KCNE2: variants seen among roughly 807,000 people sequenced by gnomAD.
The protein encoded by KCNE2 is potassium voltage-gated channel subfamily E regulatory subunit 2.
KCNE2 carries 4 observed loss-of-function variants against 4.5 expected under a neutral mutation model. That is an observed-to-expected ratio of 0.89 (90% CI 0.44 to 2.03). The LOEUF is 2.03. Among genes scored for constraint, KCNE2 ranks in the 30% most tolerant of loss-of-function variants. The pLI is 0.03. For missense variants in KCNE2, 137 were observed against 151.4 expected (o/e 0.90, Z 0.50); for synonymous variants, 57 against 55.9 (o/e 1.02, Z -0.09).
At chr21:34,366,884 C>T (rs1044733474) in intron 1 of KCNE2, among the ~76,000 whole-genome samples, 11 of 134,474 alleles carry the variant, frequency 8.2e-5, no homozygotes, top group African/African-American at 3.2e-4. Flanking sequence ...GAGGCTGAGG[C>T]AGGAGAATGG....
In KCNE2 at chr21:34,366,484, T is replaced by C. The variant is rs370548699; in HGVS notation, c.-13+2333T>C. ...TTCACACCTTCATTCAACAGATTTTTAGTAAAGATTTGCTACGTACCCATC... is the reference window on the plus strand; with the variant it reads ...TTCACACCTTCATTCAACAGATTTTCAGTAAAGATTTGCTACGTACCCATC... On this transcript the variant is annotated intron_variant, in intron 1 of 1. Transcript: ENST00000290310. Among the ~76,000 whole-genome samples the C allele has an allele frequency of 4.6e-5, 7 of 152,110 alleles. 1 individual carries two copies. The highest frequency in any genetic ancestry group is 1.7e-4 in the African/African-American group (7 of 41,478).
rs553652270 is a variant in KCNE2, at chr21:34,365,850, T to C, written c.-13+1699T>C. On this transcript the variant is annotated intron_variant, in intron 1 of 1. Transcript: ENST00000290310. Reference sequence around the variant, plus strand: ...CTTCAACGAAGCTGCTTTCACACACTGTGATTTGTTTTTTTCCTGTGGTCA... The same window carrying C: ...CTTCAACGAAGCTGCTTTCACACACCGTGATTTGTTTTTTTCCTGTGGTCA... Among the ~76,000 whole-genome samples, 40 of 152,370 alleles carry C rather than the reference T, an allele frequency of 2.6e-4. 1 individual carries two copies. The highest frequency in any genetic ancestry group is 8.9e-4 in the African/African-American group (37 of 41,588).
At position 34,370,770 on chromosome 21, in the gene KCNE2, A is replaced by G; in HGVS notation, c.292A>G (p.Ser98Gly). ...IVEDWQEKYK[S>G]QILNLEESKA... ...AGAGGACTGGCAGGAAAAGTACAAGAGCCAAATCTTGAATCTAGAAGAATC... is the reference window on the plus strand; with the variant it reads ...AGAGGACTGGCAGGAAAAGTACAAGGGCCAAATCTTGAATCTAGAAGAATC... Residue 98 changes from serine (S) to glycine (G), a missense_variant, in exon 2 of 2, where the codon AGC becomes GGC. By Grantham distance (56) the Ser-to-Gly change is moderately conservative. Coordinates refer to ENST00000290310, the MANE Select transcript of KCNE2 (RefSeq NM_172201.2). The G allele has an allele frequency of 1.2e-6, 2 of 1,614,208 alleles. No individual in the cohort carries two copies. The highest frequency in any genetic ancestry group is 1.7e-6 in the Non-Finnish European group (2 of 1,180,032).
intron 1 of KCNE2, among the ~76,000 whole-genome samples, chr21:34,368,751 C>CA (rs1979454535): frequency 6.6e-6 from 1 of 152,128 alleles, no homozygotes; most frequent in Non-Finnish European, 1.5e-5. Flanking sequence ...ATTTAACTGA[C>CA]ATTTGTTGAG....
intron 1 of KCNE2, among the ~76,000 whole-genome samples, chr21:34,368,229 A>AAC (rs1979405998): frequency 1.2e-5 from 1 of 84,810 alleles, no homozygotes; most frequent in African/African-American, 6.0e-5. Context: ...ACACACACAC[A>AAC]ATATATATAT....
intron 1 of KCNE2, among the ~76,000 whole-genome samples, chr21:34,365,358 T>A (rs1009018885): frequency 6.6e-6 from 1 of 152,222 alleles, no homozygotes; most frequent in African/African-American, 2.4e-5. Flanking sequence ...GTAGTTGTCT[T>A]AGCATTACTA....
intron 1 of KCNE2, 125 bp from the exon 2 acceptor site, chr21:34,370,342 C>T: frequency 8.9e-7 from 1 of 1,129,850 alleles, no homozygotes; most frequent in African/African-American, 1.6e-5. Flanking sequence ...ATTAAATCAC[C>T]AGCCAGGTTA....
At chr21:34,368,087 A>C (rs1979384696) in intron 1 of KCNE2, among the ~76,000 whole-genome samples, 1 of 151,436 alleles carries the variant, frequency 6.6e-6, no homozygotes, top group Admixed American at 6.6e-5. Context: ...TAATTCATGC[A>C]TCAAATGTCC....
At chr21:34,368,242 A>ATCTATATC (rs1979413124) in intron 1 of KCNE2, among the ~76,000 whole-genome samples, 4 of 113,302 alleles carry the variant, frequency 3.5e-5, no homozygotes, top group African/African-American at 1.6e-4. Flanking sequence ...ATATATATAT[A>ATCTATATC]TATATATATA....
chr21:34,368,232 AT>A (rs770291544), intron 1 of KCNE2, among the ~76,000 whole-genome samples: 1,112 of 36,438 alleles, frequency 0.031, 19 homozygotes, highest in Non-Finnish European at 0.044. Context: ...CACACACAAT[AT>A]ATATATATAT....
rs1568812346 is a variant in KCNE2, at chr21:34,368,230, A to AC, written c.-12-2237_-12-2236insC. On this transcript the variant is annotated intron_variant, in intron 1 of 1. Coordinates refer to ENST00000290310, the MANE Select transcript of KCNE2 (RefSeq NM_172201.2). ...ACACACACACACACACACACACACA[A>AC]TATATATATATATATATATATATAT... Among the ~76,000 whole-genome samples the AC allele has an allele frequency of 1.5e-3, 19 of 13,094 alleles. 1 individual carries two copies. The highest frequency in any genetic ancestry group is 5.4e-3 in the South Asian group (2 of 372). The allele number at this position is 13,094 out of a possible 152,430, so 8.6% of individuals were successfully genotyped here.
At chr21:34,364,498 G>C (rs13051811) in intron 1 of KCNE2, among the ~76,000 whole-genome samples, 1 of 152,248 alleles carries the variant, frequency 6.6e-6, no homozygotes. Context: ...GGCTGGGCGC[G>C]GTGGCTCACG....
intron 1 of KCNE2, among the ~76,000 whole-genome samples, chr21:34,368,806 C>T (rs1406005383): frequency 6.6e-6 from 1 of 151,786 alleles, no homozygotes; most frequent in Non-Finnish European, 1.5e-5. Context: ...GTGAGGTTAC[C>T]AATTTTTTTT....
intron 1 of KCNE2, among the ~76,000 whole-genome samples, chr21:34,365,644 C>T (rs41314701): frequency 5.5e-4 from 84 of 152,246 alleles, no homozygotes; most frequent in Non-Finnish European, 9.1e-4. Flanking sequence ...AGGCTGATCT[C>T]GAACTCCTGG....
intron 1 of KCNE2, among the ~76,000 whole-genome samples, chr21:34,365,157 A>G (rs1200517286): frequency 6.6e-6 from 1 of 152,316 alleles, no homozygotes; most frequent in Non-Finnish European, 1.5e-5. Flanking sequence ...CCTCTAGGCT[A>G]TAGTTATTCC....
In KCNE2 at chr21:34,370,661, T is replaced by G. The variant is rs1243932152; in HGVS notation, c.183T>G (p.Ser61=). 1.4e-5 allele frequency: 23 copies of G among 1,614,146 alleles called. No homozygotes were observed. The highest frequency in any genetic ancestry group is 1.9e-5 in the Non-Finnish European group (23 of 1,180,064). Residue 61 remains serine, a synonymous_variant, in exon 2 of 2, where the codon TCT becomes TCG. Transcript: ENST00000290310. ...LYLMVMIGMF[S]FIIVAILVST... ...TCATGGTGATGATTGGAATGTTCTC[T>G]TTCATCATCGTGGCCATCCTGGTGA...
At chr21:34,367,870 T>C (rs1424963666) in intron 1 of KCNE2, among the ~76,000 whole-genome samples, 1 of 152,200 alleles carries the variant, frequency 6.6e-6, no homozygotes, top group East Asian at 1.9e-4. Flanking sequence ...CTGCCTGTGC[T>C]CCTTCTAGCT....
At chr21:34,368,229 A>AAGATATATATATAT (rs1979405998) in intron 1 of KCNE2, among the ~76,000 whole-genome samples, 1 of 84,810 alleles carries the variant, frequency 1.2e-5, no homozygotes, top group Non-Finnish European at 2.0e-5. Context: ...ACACACACAC[A>AAGATATATATATAT]ATATATATAT....
chr21:34,366,706 A>G (rs139100225), intron 1 of KCNE2, among the ~76,000 whole-genome samples: 284 of 152,166 alleles, frequency 1.9e-3, no homozygotes, highest in East Asian at 0.01. Flanking sequence ...AAGGCCGGGC[A>G]CGGTGGCTCA....
Sources: gnomAD v4.1 joint callset for allele counts (sites outside exome capture counted in the v4.1 genomes callset) on GRCh38, gnomAD v4.1.1 for gene constraint, MANE v1.5 for transcripts, NCBI Gene and HGNC (gene_info 2026-07-23, HGNC 2026-07-21) for gene names.